TYW1B: variants seen among roughly 807,000 people sequenced by gnomAD.
TYW1B encodes S-adenosyl-L-methionine-dependent tRNA 4-demethylwyosine synthase TYW1B.
A neutral mutation model predicts 86.9 loss-of-function variants in TYW1B; 73 were observed. That is an observed-to-expected ratio of 0.84 (90% CI 0.70 to 1.02). The LOEUF is 1.02. Ranked by LOEUF, TYW1B falls within the 50% of genes least tolerant of loss-of-function variation. TYW1B has a pLI of 0.00. For missense variants in TYW1B, 637 were observed against 827.4 expected, an observed-to-expected ratio of 0.77 and a Z score of 2.82; for synonymous variants, 248 against 292.8, an observed-to-expected ratio of 0.85 and a Z score of 1.56.
intron 6 of TYW1B, among the ~76,000 whole-genome samples, chr7:72,778,687 G>A (rs1554471092): frequency 6.6e-6 from 1 of 152,084 alleles, no homozygotes; most frequent in African/African-American, 2.4e-5. Context: ...CCTGGCCAAT[G>A]TCTACTTCTA....
intron 11 of TYW1B, among the ~76,000 whole-genome samples, chr7:72,676,780 G>A (rs549783992): frequency 1.3e-5 from 2 of 152,262 alleles, no homozygotes; most frequent in South Asian, 4.1e-4. Flanking sequence ...CCAATATGGG[G>A]AAACCCCATC....
chr7:72,766,289 A>G (rs1238828880), intron 7 of TYW1B, among the ~76,000 whole-genome samples: 2 of 152,210 alleles, frequency 1.3e-5, no homozygotes, highest in Admixed American at 1.3e-4. Flanking sequence ...TGACATTGTC[A>G]TATTAAGTTT....
rs1788941806 is a variant in TYW1B at position 72,826,895 on chromosome 7, A to C, written c.95T>G (p.Ile32Ser). 1.2e-6 allele frequency: 2 copies of C among 1,613,936 alleles called. No individual in the cohort carries two copies. Among genetic ancestry groups the C allele is most frequent in the East Asian group, 4.5e-5 (2 of 44,854 alleles). Reference protein sequence around the residue: ...FYIYLGFAVSISLWICVQIVI... With the variant: ...FYIYLGFAVSSSLWICVQIVI... ...AATCTGGACACAAATCCAAAGGCTA[A>C]TGCTAACAGCAAAGCCCAGATAAAT... Residue 32 changes from isoleucine (I) to serine (S), a missense_variant, in exon 2 of 14, where the codon ATT becomes AGT. Physicochemically the swap from Ile to Ser is moderately radical, Grantham distance 142. Transcript: ENST00000620995.
At chr7:72,700,457 G>A (rs781118603) in intron 10 of TYW1B, among the ~76,000 whole-genome samples, 10 of 152,110 alleles carry the variant, frequency 6.6e-5, no homozygotes, top group Non-Finnish European at 1.3e-4. Flanking sequence ...ACGGGTGTAA[G>A]CCACCACGCC....
intron 11 of TYW1B, among the ~76,000 whole-genome samples, chr7:72,656,755 T>C (rs1554443698): frequency 6.6e-6 from 1 of 152,206 alleles, no homozygotes; most frequent in African/African-American, 2.4e-5. Flanking sequence ...CATACACTCA[T>C]GGTGGAAGGT....
chr7:72,655,721 C>G (rs1200772344), intron 11 of TYW1B, among the ~76,000 whole-genome samples: 1 of 152,200 alleles, frequency 6.6e-6, no homozygotes, highest in Non-Finnish European at 1.5e-5. Context: ...GGTAGCAACC[C>G]CTGGCAGGGC....
chr7:72,591,761 T>C (rs558244345), intron 13 of TYW1B, among the ~76,000 whole-genome samples: 47 of 152,232 alleles, frequency 3.1e-4, no homozygotes, highest in African/African-American at 1.1e-3. Context: ...AAGGTAAATA[T>C]ATGGGCAAAT....
At chr7:72,682,582 C>G (rs572152695) in intron 11 of TYW1B, among the ~76,000 whole-genome samples, 10 of 152,260 alleles carry the variant, frequency 6.6e-5, no homozygotes, top group Admixed American at 1.3e-4. Context: ...TTAACCCCTA[C>G]GAGCCTTCTA....
intron 2 of TYW1B, among the ~76,000 whole-genome samples, chr7:72,818,515 G>A (rs1275856019): frequency 7.7e-5 from 11 of 142,952 alleles, no homozygotes; most frequent in Non-Finnish European, 1.5e-4. Flanking sequence ...GGAGGCAGAG[G>A]CTGCAGTGAG....
intron 12 of TYW1B, among the ~76,000 whole-genome samples, chr7:72,628,031 C>T (rs1283428823): frequency 3.9e-5 from 6 of 152,164 alleles, no homozygotes; most frequent in African/African-American, 1.4e-4. Context: ...GTGGCTCACA[C>T]CTATAATCCC....
At chr7:72,743,538 G>C (rs1787341135) in intron 8 of TYW1B, among the ~76,000 whole-genome samples, 1 of 152,112 alleles carries the variant, frequency 6.6e-6, no homozygotes, top group Admixed American at 6.6e-5. Flanking sequence ...GCAGTTGTAA[G>C]TGAAGGAAAG....
intron 7 of TYW1B, among the ~76,000 whole-genome samples, chr7:72,759,817 A>G (rs1787657300): frequency 6.6e-6 from 1 of 152,214 alleles, no homozygotes; most frequent in Non-Finnish European, 1.5e-5. Context: ...AACAACTTTG[A>G]CACCTTTTAG....
At chr7:72,752,818 A>G (rs538738834) in intron 7 of TYW1B, among the ~76,000 whole-genome samples, 1 of 152,342 alleles carries the variant, frequency 6.6e-6, no homozygotes, top group South Asian at 2.1e-4. Flanking sequence ...TCAATTATAC[A>G]GCAATAAAAC....
At chr7:72,618,227 A>ATTTTTTTTTTTTTTTTTTTTTTTTTT (rs869158136) in intron 12 of TYW1B, among the ~76,000 whole-genome samples, 1 of 103,938 alleles carries the variant, frequency 9.6e-6, no homozygotes. Flanking sequence ...ATGACACTGA[A>ATTTTTTTTTTTTTTTTTTTTTTTTTT]TTTTTTTTTT....
At chr7:72,667,048 A>AAAAAAAAAAAAAAAAAAAAAAAAG (rs60588106) in intron 11 of TYW1B, among the ~76,000 whole-genome samples, 8 of 131,366 alleles carry the variant, frequency 6.1e-5, no homozygotes, top group Non-Finnish European at 9.4e-5. Context: ...AAAAAAAAAA[A>AAAAAAAAAAAAAAAAAAAAAAAAG]AAAGAAACTA....
intron 10 of TYW1B, among the ~76,000 whole-genome samples, chr7:72,708,180 C>T (rs1814657809): frequency 1.3e-5 from 2 of 152,094 alleles, no homozygotes; most frequent in South Asian, 4.1e-4. Context: ...GACTGAAACC[C>T]TTTTAGGGAA....
At chr7:72,742,389 C>T (rs1235006261) in intron 8 of TYW1B, among the ~76,000 whole-genome samples, 1 of 152,188 alleles carries the variant, frequency 6.6e-6, no homozygotes, top group Non-Finnish European at 1.5e-5. Context: ...CCTGGCGTCC[C>T]AAGGTGCTAG....
At chr7:72,655,177 G>C (rs1554443446) in intron 11 of TYW1B, among the ~76,000 whole-genome samples, 1 of 152,096 alleles carries the variant, frequency 6.6e-6, no homozygotes, top group Non-Finnish European at 1.5e-5. Flanking sequence ...TGGCAGGGAA[G>C]TGATTGGGAA....
intron 1 of TYW1B, among the ~76,000 whole-genome samples, chr7:72,827,226 G>C (rs1175238135): frequency 6.6e-6 from 1 of 151,988 alleles, no homozygotes; most frequent in Non-Finnish European, 1.5e-5. Flanking sequence ...TGGCCAACAT[G>C]GTGAAACCCC....
Sources: gnomAD v4.1 joint callset for allele counts (sites outside exome capture counted in the v4.1 genomes callset) on GRCh38, gnomAD v4.1.1 for gene constraint, MANE v1.5 for transcripts, NCBI Gene and HGNC (gene_info 2026-07-23, HGNC 2026-07-21) for gene names.